RAB34: variants seen among roughly 807,000 people sequenced by gnomAD.
RAB34 encodes the protein RAB34, member RAS oncogene family, also known as ras-related protein Rab-34.
A neutral mutation model predicts 39.0 loss-of-function variants in RAB34; 33 were observed. The ratio of observed to expected loss-of-function variants is 0.85; its 90% CI spans 0.64 to 1.13. The LOEUF is 1.13. Ranked by LOEUF, RAB34 falls within the 50% of genes most tolerant of loss-of-function variation. The probability of loss-of-function intolerance (pLI) is 0.00; values close to 1 mark genes in which losing one functional copy is unlikely to be tolerated. For missense variants in RAB34, 289 were observed against 326.1 expected (o/e 0.89, Z 0.88); for synonymous variants, 135 against 125.1 (o/e 1.08, Z -0.53).
upstream of RAB34, chr17:28,718,260 T>C: frequency 6.4e-7 from 1 of 1,554,656 alleles, no homozygotes; most frequent in Non-Finnish European, 8.7e-7. Flanking sequence ...GCCTGGGAGG[T>C]GACTCATAGA....
rs368528025 is a variant in RAB34, at chr17:28,715,283, T to G, written c.432-7A>C. The G allele has an allele frequency of 6.2e-7, 1 of 1,612,188 alleles. No individual in the cohort carries two copies. The highest frequency in any genetic ancestry group is 1.1e-5 in the South Asian group (1 of 90,926). On this transcript the variant is annotated splice_region_variant and splice_polypyrimidine_tract_variant and intron_variant, in intron 6 of 9. Transcript: ENST00000395245. Reference sequence around the variant, plus strand: ...GGCATCGGCCAGCCACTGCCTGCCATGGGAGGTGGAAAGTAAGGGATGAGT... The same window carrying G: ...GGCATCGGCCAGCCACTGCCTGCCAGGGGAGGTGGAAAGTAAGGGATGAGT...
At chr17:28,718,303 G>A (rs1362239757), upstream of RAB34, 4 of 1,518,912 alleles carry the variant, frequency 2.6e-6, no homozygotes, top group South Asian at 3.7e-5. Context: ...GCCCTGGGAG[G>A]TCGGGGGTGA....
chr17:28,718,006 C>T, upstream of RAB34: 5 of 1,300,058 alleles, frequency 3.8e-6, no homozygotes, highest in Non-Finnish European at 5.0e-6. Flanking sequence ...TCTTTTGACG[C>T]TTCACCGGGC....
chr17:28,716,025 G>T lies in RAB34; in HGVS notation c.180C>A (p.Asp60Glu). 2 of 1,613,972 alleles carry T rather than the reference G, an allele frequency of 1.2e-6. No homozygotes were observed. The highest frequency in any genetic ancestry group is 1.7e-6 in the Non-Finnish European group (2 of 1,180,024). The change falls in exon 3 of 10, where the codon GAC becomes GAA. Residue 60 changes from aspartate to glutamate, a missense_variant. By Grantham distance (45) the Asp-to-Glu change is conservative. Transcript: ENST00000395245. ...TGAGGCAAGTCTTCCCCACCGACAG[G>T]TCCCCCACCACAATGACCTTGGAGA... is the stretch of plus-strand genomic sequence containing the variant. ...FKISKVIVVGDLSVGKTCLIN... is the reference protein window; with the variant it reads ...FKISKVIVVGELSVGKTCLIN...
At position 28,717,515 on chromosome 17, in the gene RAB34, A is replaced by T. The variant is rs1008406728; in HGVS notation, c.-249T>A. Reference sequence around the variant, plus strand: ...CCGGGCCCTGGGCGTCCCGAAGATGACTCTGGGGCGAGGAGACTCTTCGGC... The same window carrying T: ...CCGGGCCCTGGGCGTCCCGAAGATGTCTCTGGGGCGAGGAGACTCTTCGGC... On this transcript the variant is annotated 5_prime_UTR_variant, in exon 1 of 10. Transcript: ENST00000395245. The T allele has an allele frequency of 2.1e-6, 3 of 1,421,768 alleles. No homozygotes were observed. The highest frequency in any genetic ancestry group is 2.8e-6 in the Non-Finnish European group (3 of 1,090,808). The allele number at this position is 1,421,768 out of a possible 1,614,324, so 88.1% of individuals were successfully genotyped here.
rs780860770 is a variant in RAB34, at chr17:28,715,129, G to A, written c.514-7C>T. 1.2e-6 allele frequency: 2 copies of A among 1,614,106 alleles called. No individual in the cohort carries two copies. The highest frequency in any genetic ancestry group is 1.1e-5 in the South Asian group (1 of 91,080). On this transcript the variant is annotated splice_region_variant and splice_polypyrimidine_tract_variant and intron_variant, in intron 7 of 9. Coordinates refer to ENST00000395245, the MANE Select transcript of RAB34 (RefSeq NM_031934.6). Reference sequence around the variant, plus strand: ...GCGCATACTGAGCAGGGGTCTGAGGGAAGGCCAGAGTCAGAGGGGGGCATT... The same window carrying A: ...GCGCATACTGAGCAGGGGTCTGAGGAAAGGCCAGAGTCAGAGGGGGGCATT...
At position 28,714,661 on chromosome 17, in the gene RAB34, C is replaced by T; in HGVS notation, c.762G>A (p.Lys254=). 6.2e-7 allele frequency: 1 copy of T among 1,614,116 alleles called. No homozygotes were observed. The highest frequency in any genetic ancestry group is 8.5e-7 in the Non-Finnish European group (1 of 1,180,008). Reference sequence around the variant, plus strand: ...TCAGCCCTCATGGGCAACATGTGGGCTTCTTCTTGCTGGCAGTTAGGTAGA... The same window carrying T: ...TCAGCCCTCATGGGCAACATGTGGGTTTCTTCTTGCTGGCAGTTAGGTAGA... ...SNLYLTASKK[K]PTCCP is the part of the protein sequence containing the mutation. Residue 254 remains lysine, a synonymous_variant, in exon 10 of 10, where the codon AAG becomes AAA. Coordinates refer to ENST00000395245, the MANE Select transcript of RAB34 (RefSeq NM_031934.6).
chr17:28,715,420 C>A (rs765974600), intron 6 of RAB34, 36 bp downstream of exon 6: 4 of 1,612,510 alleles, frequency 2.5e-6, no homozygotes. Context: ...CCTCTCTTCC[C>A]GGAGCCTCCC....
In RAB34 at chr17:28,717,771, C is replaced by T. The variant is rs2033790068; in HGVS notation, c.-505G>A. On this transcript the variant is annotated 5_prime_UTR_variant, in exon 1 of 10. Transcript: ENST00000395245. ...ACGGGGTCAGTGTGGGCAGGGGCGG[C>T]GCTGCCAAGGCCCGCAGGCCGCTGG... 46 of 1,327,124 alleles carry T rather than the reference C, an allele frequency of 3.5e-5. No individual in the cohort carries two copies. Among genetic ancestry groups the T allele is most frequent in the Non-Finnish European group, 4.3e-5 (45 of 1,044,472 alleles). 82.2% of individuals were successfully genotyped at this position (1,327,124 alleles called of 1,614,324 possible).
chr17:28,714,810 C>A lies in RAB34; in HGVS notation c.695G>T (p.Arg232Leu). 1 of 1,614,114 alleles carries A rather than the reference C, an allele frequency of 6.2e-7. No homozygotes were observed. Among genetic ancestry groups the A allele is most frequent in the Non-Finnish European group, 8.5e-7 (1 of 1,180,004 alleles). ...LAELEKSGAR[R>L]IGDVVRINSD... ...GCACTCACGGACAACATCCCCAATGCGTCGAGCCCCCGATTTCTCCAGCTC... is the reference window on the plus strand; with the variant it reads ...GCACTCACGGACAACATCCCCAATGAGTCGAGCCCCCGATTTCTCCAGCTC... The change falls in exon 9 of 10, where the codon CGC (arginine) becomes CTC (leucine). Residue 232 changes from arginine to leucine, a missense_variant. By Grantham distance (102) the Arg-to-Leu change is moderately radical. Coordinates refer to ENST00000395245, the MANE Select transcript of RAB34 (RefSeq NM_031934.6).
chr17:28,717,473 G>A lies in RAB34; in HGVS notation c.-207C>T, dbSNP rs996193217. 3.5e-6 allele frequency: 5 copies of A among 1,445,922 alleles called. No individual in the cohort carries two copies. The highest frequency in any genetic ancestry group is 2.6e-5 in the Admixed American group (1 of 38,178). The allele number at this position is 1,445,922 out of a possible 1,614,324, so 89.6% of individuals were successfully genotyped here. A position where few individuals can be genotyped will look rare whatever the true frequency, so the allele number is the denominator to read the frequency against. On this transcript the variant is annotated 5_prime_UTR_variant, in exon 1 of 10. Transcript: ENST00000395245. ...AGATGAAACAATCACCCGGGGCCGC[G>A]GCGAGCCCAAAATCACCCGGGCCCT...
At chr17:28,715,548 A>G in intron 5 of RAB34, 41 bp from the exon 6 acceptor site, 2 of 1,614,132 alleles carry the variant, frequency 1.2e-6, no homozygotes, top group Non-Finnish European at 1.7e-6. Flanking sequence ...GACAGGGAAG[A>G]CACTACTGCT....
chr17:28,717,057 C>T, intron 1 of RAB34, 63 bp from the exon 2 acceptor site: 1 of 1,591,062 alleles, frequency 6.3e-7, no homozygotes. Flanking sequence ...CGCAGCCAAG[C>T]GGCCCGGGTA....
In RAB34 at chr17:28,715,023, C is replaced by T; in HGVS notation, c.604+9G>A. 6.2e-7 allele frequency: 1 copy of T among 1,613,348 alleles called. No homozygotes were observed. Among genetic ancestry groups the T allele is most frequent in the Non-Finnish European group, 8.5e-7 (1 of 1,179,430 alleles). On this transcript the variant is annotated intron_variant, in intron 8 of 9. Transcript: ENST00000395245. Reference sequence around the variant, plus strand: ...GTGTCACAGCAGAGCCCTAAAGCCTCCAACTCACCAGTGAGAGATGAGACT... The same window carrying T: ...GTGTCACAGCAGAGCCCTAAAGCCTTCAACTCACCAGTGAGAGATGAGACT...
chr17:28,717,395 G>GA lies in RAB34; in HGVS notation c.-130dup, dbSNP rs1316402502. 1 of 1,516,392 alleles carries GA rather than the reference G, an allele frequency of 6.6e-7. No individual in the cohort carries two copies. The highest frequency in any genetic ancestry group is 1.2e-5 in the South Asian group (1 of 83,322). The allele number at this position is 1,516,392 out of a possible 1,614,324, so 93.9% of individuals were successfully genotyped here. A position where few individuals can be genotyped will look rare whatever the true frequency, so the allele number is the denominator to read the frequency against. ...CCCGACTACAACTCGGGGCCACGGG[G>GA]ACCCTACGGGAGTCCGCGGTCTCGG... On this transcript the variant is annotated 5_prime_UTR_variant, in exon 1 of 10. The change creates a premature stop within an existing upstream ORF in the 5' untranslated region. Coordinates refer to ENST00000395245, the MANE Select transcript of RAB34 (RefSeq NM_031934.6).
At chr17:28,716,300 A>G (rs892654677) in intron 2 of RAB34, 1 of 552,134 alleles carries the variant, frequency 1.8e-6, no homozygotes, top group Non-Finnish European at 3.2e-6. Flanking sequence ...GTGACTTTGG[A>G]CACGTTATTT....
intron 1 of RAB34, 98 bp from the exon 2 acceptor site, chr17:28,717,092 G>A (rs2033592978): frequency 6.4e-7 from 1 of 1,554,032 alleles, no homozygotes; most frequent in Non-Finnish European, 8.7e-7. Flanking sequence ...GGACCACCCA[G>A]AAGCACCAGG....
At position 28,716,862 on chromosome 17, in the gene RAB34, C is replaced by T; in HGVS notation, c.146+41G>A. 2.5e-6 allele frequency: 4 copies of T among 1,591,474 alleles called. No individual in the cohort carries two copies. In the South Asian group the frequency reaches 3.4e-5, roughly 13 times the overall value. On this transcript the variant is annotated intron_variant, in intron 2 of 9. Transcript: ENST00000395245. ...TACCCTCGCTATGACTACAGAGTTT[C>T]CTGGGACCTCCTCTCTTTGTTGTGG...
Position 28,717,575 on chromosome 17 carries a change from G to A in RAB34, c.-309C>T. The A allele has an allele frequency of 1.4e-6, 2 of 1,419,458 alleles. No individual in the cohort carries two copies. The highest frequency in any genetic ancestry group is 1.8e-6 in the Non-Finnish European group (2 of 1,090,458). The allele number at this position is 1,419,458 out of a possible 1,614,324, so 87.9% of individuals were successfully genotyped here. A position where few individuals can be genotyped will look rare whatever the true frequency, so the allele number is the denominator to read the frequency against. On this transcript the variant is annotated 5_prime_UTR_variant, in exon 1 of 10. Transcript: ENST00000395245. ...GGGGCGGGGAGTCCCGTCTGGTGGG[G>A]GCCGGGCCCGCGCAGACCCTACGAT...
Sources: gnomAD v4.1 joint callset for allele counts on GRCh38, gnomAD v4.1.1 for gene constraint, MANE v1.5 for transcripts, NCBI Gene and HGNC (gene_info 2026-07-23, HGNC 2026-07-21) for gene names.